The following DOK6 variants were observed in gnomAD, a reference collection of about 807,000 sequenced individuals.
DOK6 encodes docking protein 6, also known as downstream of tyrosine kinase 6.
DOK6 carries 22 observed loss-of-function variants against 44.0 expected under a neutral mutation model. The ratio of observed to expected loss-of-function variants is 0.50; its 90% CI spans 0.36 to 0.71. The LOEUF (loss-of-function observed/expected upper bound fraction) is 0.71, where lower values mean the gene tolerates loss of function less well. DOK6 is among the 30% of genes least tolerant of loss of function. DOK6 has a pLI of 0.00. For synonymous variants in DOK6, 166 were observed against 145.5 expected, an observed-to-expected ratio of 1.14 and a Z score of -1.01; for missense variants, 340 against 416.4, an observed-to-expected ratio of 0.82 and a Z score of 1.60.
chr18:69,743,193 A>T (rs1318676754), intron 6 of DOK6, among the ~76,000 whole-genome samples: 3 of 152,214 alleles, frequency 2.0e-5, no homozygotes, highest in Non-Finnish European at 2.9e-5. Flanking sequence ...AACTGGAACT[A>T]TTTTTGAGGA....
At chr18:69,818,609 C>T (rs912265827) in intron 7 of DOK6, among the ~76,000 whole-genome samples, 1 of 152,194 alleles carries the variant, frequency 6.6e-6, no homozygotes, top group East Asian at 1.9e-4. Context: ...TAATCTTCCT[C>T]ATAACGGACC....
intron 7 of DOK6, among the ~76,000 whole-genome samples, chr18:69,769,418 ATGT>A (rs1470183597): frequency 5.9e-5 from 9 of 152,082 alleles, no homozygotes; most frequent in Non-Finnish European, 1.3e-4. Context: ...CTCAAAAAAG[ATGT>A]TGTCTAAGAA....
intron 2 of DOK6, among the ~76,000 whole-genome samples, chr18:69,593,569 TA>T (rs1412404525): frequency 6.6e-6 from 1 of 152,236 alleles, no homozygotes; most frequent in African/African-American, 2.4e-5. Flanking sequence ...TCTGCATTTC[TA>T]AATGTAAATT....
At chr18:69,642,024 G>A (rs191403014) in intron 3 of DOK6, among the ~76,000 whole-genome samples, 4 of 152,238 alleles carry the variant, frequency 2.6e-5, no homozygotes, top group African/African-American at 4.8e-5. Context: ...CAGAAAACTC[G>A]AAGAAATAGA....
chr18:69,480,019 C>G (rs1248080529), intron 1 of DOK6, among the ~76,000 whole-genome samples: 3 of 152,072 alleles, frequency 2.0e-5, no homozygotes, highest in East Asian at 3.9e-4. Flanking sequence ...ATTTCTCCAG[C>G]TTCTAAACTA....
chr18:69,797,979 C>T (rs1014264023), intron 7 of DOK6, among the ~76,000 whole-genome samples: 4 of 151,976 alleles, frequency 2.6e-5, no homozygotes, highest in African/African-American at 7.2e-5. Context: ...GATTCAAAGC[C>T]GAATCTAATC....
At chr18:69,565,474 C>CGTGTGT (rs869115556) in intron 2 of DOK6, among the ~76,000 whole-genome samples, 18 of 87,614 alleles carry the variant, frequency 2.1e-4, no homozygotes, top group African/African-American at 6.8e-4. Context: ...TCTGTCTCTA[C>CGTGTGT]GTGTGTGTGT....
chr18:69,518,524 C>T (rs1981595590), intron 1 of DOK6, among the ~76,000 whole-genome samples: 1 of 151,914 alleles, frequency 6.6e-6, no homozygotes, highest in South Asian at 2.1e-4. Flanking sequence ...ATTTAATAAC[C>T]AAAAATGTTT....
At chr18:69,431,666 A>T (rs116575139) in intron 1 of DOK6, among the ~76,000 whole-genome samples, 37 of 152,302 alleles carry the variant, frequency 2.4e-4, no homozygotes, top group African/African-American at 8.4e-4. Context: ...CTCACCATAA[A>T]TACAAGTGTA....
chr18:69,800,586 C>G (rs944542863), intron 7 of DOK6, among the ~76,000 whole-genome samples: 1 of 152,086 alleles, frequency 6.6e-6, no homozygotes, highest in Non-Finnish European at 1.5e-5. Context: ...TTGTCTTCTT[C>G]AGACTTTTTC....
At chr18:69,487,054 G>A (rs1318612539) in intron 1 of DOK6, among the ~76,000 whole-genome samples, 2 of 152,082 alleles carry the variant, frequency 1.3e-5, no homozygotes, top group Non-Finnish European at 2.9e-5. Flanking sequence ...GTCAGGGCCT[G>A]TTGGGATAGA....
At chr18:69,630,551 A>G (rs768110188) in intron 3 of DOK6, among the ~76,000 whole-genome samples, 1 of 152,240 alleles carries the variant, frequency 6.6e-6, no homozygotes, top group Non-Finnish European at 1.5e-5. Flanking sequence ...CAAAGGGCTG[A>G]GTGTAGAGTA....
chr18:69,802,210 T>C (rs1980923326), intron 7 of DOK6, among the ~76,000 whole-genome samples: 1 of 152,172 alleles, frequency 6.6e-6, no homozygotes, highest in Admixed American at 6.5e-5. Context: ...ATGGTGTGTT[T>C]TTTCTCCTGG....
intron 2 of DOK6, among the ~76,000 whole-genome samples, chr18:69,569,069 T>A (rs1029281179): frequency 2.0e-5 from 3 of 152,022 alleles, no homozygotes; most frequent in African/African-American, 7.2e-5. Flanking sequence ...CCCTGGTCCA[T>A]GGAAAAATTG....
At chr18:69,558,761 A>T (rs9963009) in intron 1 of DOK6, among the ~76,000 whole-genome samples, 47,153 of 152,028 alleles carry the variant, frequency 0.31, 7,694 homozygotes, top group East Asian at 0.56. Context: ...ACTACATGCA[A>T]CTTGATATCC....
chr18:69,564,223 T>G (rs901105467), intron 1 of DOK6, among the ~76,000 whole-genome samples: 2 of 152,232 alleles, frequency 1.3e-5, no homozygotes, highest in Non-Finnish European at 2.9e-5. Flanking sequence ...TATATGGTAC[T>G]GACATCCAGA....
chr18:69,641,130 G>A (rs1393445284), intron 3 of DOK6, among the ~76,000 whole-genome samples: 3 of 151,696 alleles, frequency 2.0e-5, no homozygotes, highest in African/African-American at 4.8e-5. Context: ...GCAGGGTATC[G>A]TTTGAACCTG....
At chr18:69,446,774 T>C (rs536838556) in intron 1 of DOK6, among the ~76,000 whole-genome samples, 2 of 152,314 alleles carry the variant, frequency 1.3e-5, no homozygotes, top group East Asian at 3.9e-4. Flanking sequence ...TGGTATCTCA[T>C]TGTGGTTTTG....
At chr18:69,617,683 GAA>G (rs1984333673) in intron 3 of DOK6, among the ~76,000 whole-genome samples, 1 of 123,054 alleles carries the variant, frequency 8.1e-6, no homozygotes, top group African/African-American at 3.0e-5. Context: ...AGAAGAAAAA[GAA>G]AGAAAGAAAA....
Sources: gnomAD v4.1 joint callset for allele counts (sites outside exome capture counted in the v4.1 genomes callset) on GRCh38, gnomAD v4.1.1 for gene constraint, MANE v1.5 for transcripts, NCBI Gene and HGNC (gene_info 2026-07-23, HGNC 2026-07-21) for gene names.